TRPC1: variants seen among roughly 807,000 people sequenced by gnomAD.
TRPC1 encodes the protein transient receptor potential cation channel subfamily C member 1.
A neutral mutation model predicts 88.2 loss-of-function variants in TRPC1; 42 were observed. The observed-to-expected ratio is 0.48, with a 90% confidence interval of 0.37 to 0.62. The LOEUF (loss-of-function observed/expected upper bound fraction) is 0.62, where lower values mean the gene tolerates loss of function less well. Among genes scored for constraint, TRPC1 ranks in the 20% least tolerant of loss-of-function variants. The pLI is 0.00. For missense variants in TRPC1, 699 were observed against 957.3 expected (o/e 0.73, Z 3.56); for synonymous variants, 288 against 331.8 (o/e 0.87, Z 1.43).
In TRPC1 at chr3:142,747,579, C is replaced by T. The variant is rs559556006; in HGVS notation, c.430-679C>T. On this transcript the variant is annotated intron_variant, in intron 3 of 12. Transcript: ENST00000476941. Reference sequence around the variant, plus strand: ...TAACTTCTCTGAGCCTCAGTTTCTTCGTGGGGATTATAATGCTTGGTTTTG... The same window carrying T: ...TAACTTCTCTGAGCCTCAGTTTCTTTGTGGGGATTATAATGCTTGGTTTTG... Among the ~76,000 whole-genome samples the T allele has an allele frequency of 9.2e-5, 14 of 152,152 alleles. No homozygotes were observed. In the South Asian group the frequency reaches 2.5e-3, roughly 27 times the overall value.
At chr3:142,759,826 T>G (rs992579555) in intron 4 of TRPC1, among the ~76,000 whole-genome samples, 10 of 152,072 alleles carry the variant, frequency 6.6e-5, no homozygotes, top group Non-Finnish European at 1.2e-4. Context: ...AGGTCTAACA[T>G]TTAAGTCTTT....
chr3:142,734,939 T>C (rs1199628189), intron 1 of TRPC1, among the ~76,000 whole-genome samples: 1 of 152,196 alleles, frequency 6.6e-6, no homozygotes, highest in Non-Finnish European at 1.5e-5. Flanking sequence ...TGAAATAAGA[T>C]TTTAAATGTC....
At chr3:142,749,769 C>T (rs1028242445) in intron 4 of TRPC1, among the ~76,000 whole-genome samples, 22 of 152,076 alleles carry the variant, frequency 1.4e-4, no homozygotes, top group African/African-American at 5.3e-4. Context: ...AATAATGCCA[C>T]ACATCTACAA....
chr3:142,802,503 A>G (rs1936653753), intron 10 of TRPC1, among the ~76,000 whole-genome samples, 159 bp downstream of exon 10: 1 of 152,094 alleles, frequency 6.6e-6, no homozygotes, highest in Non-Finnish European at 1.5e-5. Context: ...ATGAATCACT[A>G]TAGTCATCTT....
intron 4 of TRPC1, among the ~76,000 whole-genome samples, chr3:142,755,412 C>CA (rs919075397): frequency 6.6e-6 from 1 of 152,018 alleles, no homozygotes; most frequent in South Asian, 2.1e-4. Flanking sequence ...GTGACAAGAG[C>CA]AAAACTCCAT....
At chr3:142,753,179 G>C (rs1169218273) in intron 4 of TRPC1, among the ~76,000 whole-genome samples, 2 of 152,170 alleles carry the variant, frequency 1.3e-5, no homozygotes, top group Non-Finnish European at 2.9e-5. Context: ...TACCTGGCTT[G>C]GTTTGAGGTT....
Position 142,767,872 on chromosome 3 carries a change from T to C in TRPC1, c.633-9760T>C, listed in dbSNP as rs1243897349. On this transcript the variant is annotated intron_variant, in intron 4 of 12. Coordinates refer to ENST00000476941, the MANE Select transcript of TRPC1 (RefSeq NM_001251845.2). This position sits in a 1 kb window ranked among gnomAD's most constrained non-coding sequence, Gnocchi z 5.1. The stretch of plus-strand genomic sequence containing the variant: ...TCAAATTGTTTTCTTAGTTTTTAAT[T>C]GGTTATCTGATTTTTTTATTGATGA... Among the ~76,000 whole-genome samples the C allele has an allele frequency of 6.6e-6, 1 of 151,732 alleles. No individual in the cohort carries two copies. Among genetic ancestry groups the C allele is most frequent in the African/African-American group, 2.4e-5 (1 of 41,354 alleles).
rs1186015812 is a variant in TRPC1 at position 142,764,013 on chromosome 3, TATAA to T, written c.633-13618_633-13615del. Reference sequence around the variant, plus strand: ...ATACATACATACATATATATATATATATAACAAATTATTTTAAAGAGATGACACT... The same window carrying T: ...ATACATACATACATATATATATATATCAAATTATTTTAAAGAGATGACACT... On this transcript the variant is annotated intron_variant, in intron 4 of 12. Coordinates refer to ENST00000476941, the MANE Select transcript of TRPC1 (RefSeq NM_001251845.2). Among the ~76,000 whole-genome samples, 67 of 112,410 alleles carry T rather than the reference TATAA, an allele frequency of 6.0e-4. 4 individuals carry two copies. Among genetic ancestry groups the T allele is most frequent in the African/African-American group, 2.4e-3 (64 of 26,334 alleles). 73.7% of individuals were successfully genotyped at this position (112,410 alleles called of 152,430 possible). A position where few individuals can be genotyped will look rare whatever the true frequency, so the allele number is the denominator to read the frequency against.
At chr3:142,752,172 C>T (rs1005739728) in intron 4 of TRPC1, among the ~76,000 whole-genome samples, 8 of 152,164 alleles carry the variant, frequency 5.3e-5, no homozygotes, top group African/African-American at 1.9e-4. Flanking sequence ...GACTGGCACT[C>T]AGCACACCAA....
chr3:142,741,928 C>T (rs1041567584), intron 2 of TRPC1, among the ~76,000 whole-genome samples: 40 of 152,060 alleles, frequency 2.6e-4, no homozygotes, highest in Non-Finnish European at 4.7e-4. Context: ...TTTGAGAGGC[C>T]GAGGTGGGTG....
chr3:142,798,814 G>A (rs1936526222), intron 9 of TRPC1, among the ~76,000 whole-genome samples: 1 of 152,180 alleles, frequency 6.6e-6, no homozygotes, highest in Non-Finnish European at 1.5e-5. Context: ...TGGAAAGACA[G>A]TGACTAGAAG....
chr3:142,755,993 A>T (rs1224333136), intron 4 of TRPC1, among the ~76,000 whole-genome samples: 1 of 152,190 alleles, frequency 6.6e-6, no homozygotes, highest in African/African-American at 2.4e-5. Flanking sequence ...TTTCATATAA[A>T]TGGAATCATA....
intron 4 of TRPC1, among the ~76,000 whole-genome samples, chr3:142,772,786 C>CA (rs553743107): frequency 2.7e-4 from 41 of 150,332 alleles, no homozygotes; most frequent in African/African-American, 7.3e-4. Flanking sequence ...GACTCCATCT[C>CA]AAAAAAAAAC....
intron 9 of TRPC1, 34 bp from the exon 10 acceptor site, chr3:142,802,135 A>G: frequency 7.2e-7 from 1 of 1,383,208 alleles, no homozygotes; most frequent in Non-Finnish European, 9.5e-7. Flanking sequence ...TTTTCTGATA[A>G]TCTTAATGAA....
rs181868159 is a variant in TRPC1, at chr3:142,780,641, G to A, written c.765-193G>A. On this transcript the variant is annotated intron_variant, in intron 5 of 12. Transcript: ENST00000476941. ...GTATGAACACAGGGAACATAATTGT[G>A]TTATGGTTTTCCCCAAAGCTGTGGA... Among the ~76,000 whole-genome samples, 533 of 152,256 alleles carry A rather than the reference G, an allele frequency of 3.5e-3. 2 individuals carry two copies. The highest frequency in any genetic ancestry group is 0.012 in the African/African-American group (510 of 41,576).
intron 6 of TRPC1, among the ~76,000 whole-genome samples, chr3:142,784,200 ATTAG>A (rs1476060933): frequency 1.3e-5 from 2 of 152,084 alleles, no homozygotes; most frequent in African/African-American, 4.8e-5. Context: ...GATGTCCAAC[ATTAG>A]TTAGTGGTAT....
intron 6 of TRPC1, among the ~76,000 whole-genome samples, chr3:142,781,778 A>G (rs1164939730): frequency 6.6e-6 from 1 of 152,140 alleles, no homozygotes; most frequent in East Asian, 1.9e-4. Flanking sequence ...ATGTTGATAA[A>G]TGGTATTTAT....
rs573678039 is a variant in TRPC1 at position 142,799,509 on chromosome 3, C to CT, written c.1582-2659dup. ...TCTTGTATTAAGAACCAATACCATG[C>CT]TATTAAACAAGTCAGGCCGGGCATG... On this transcript the variant is annotated intron_variant, in intron 9 of 12. Transcript: ENST00000476941. Among the ~76,000 whole-genome samples the CT allele has an allele frequency of 1.2e-3, 181 of 152,134 alleles. 4 individuals carry two copies. In the South Asian group the frequency reaches 0.026, roughly 22 times the overall value.
chr3:142,784,979 G>C lies in TRPC1; in HGVS notation c.1236G>C (p.Lys412Asn). The C allele has an allele frequency of 6.2e-7, 1 of 1,613,706 alleles. No homozygotes were observed. Among genetic ancestry groups the C allele is most frequent in the South Asian group, 1.1e-5 (1 of 91,014 alleles). ...ACTCTCTTGTCTACAATGAGGATAA[G>C]AAAAACACAATGGGGCCAGCCCTTG... ...NLYSLVYNED[K>N]KNTMGPALER... The change falls in exon 7 of 13, where the codon AAG (lysine) becomes AAC (asparagine). Residue 412 changes from lysine (K) to asparagine (N), a missense_variant. Around this residue, in one of 4 missense-constraint regions of TRPC1, gnomAD observed 426 missense variants for 641.3 expected, o/e 0.66. Coordinates refer to ENST00000476941, the MANE Select transcript of TRPC1 (RefSeq NM_001251845.2).
Sources: gnomAD v4.1 joint callset for allele counts (sites outside exome capture counted in the v4.1 genomes callset) on GRCh38, gnomAD v4.1.1 for gene constraint, gnomAD v4.1.1 regional missense constraint, Gnocchi (gnomAD v3.1) non-coding constraint, MANE v1.5 for transcripts, NCBI Gene and HGNC (gene_info 2026-07-23, HGNC 2026-07-21) for gene names.